CIMAP3: variants seen among roughly 807,000 people sequenced by gnomAD.
CIMAP3 encodes the protein ciliary microtubule associated protein 3.
At chr1:111,336,775 A>G in the CIMAP3 span, among the ~76,000 whole-genome samples, 5 of 152,250 alleles carry the variant, frequency 3.3e-5, no homozygotes, top group Non-Finnish European at 5.9e-5. Flanking sequence ...AACACTCTGC[A>G]GGATATTATC....
At chr1:111,330,038 A>G in the CIMAP3 span, among the ~76,000 whole-genome samples, 1 of 124,700 alleles carries the variant, frequency 8.0e-6, no homozygotes, top group Non-Finnish European at 1.7e-5. Context: ...TGTCAGATCC[A>G]TTAGGTTCTT....
the CIMAP3 span, among the ~76,000 whole-genome samples, chr1:111,350,511 G>A: frequency 6.6e-6 from 1 of 152,128 alleles, no homozygotes; most frequent in Admixed American, 6.5e-5. Flanking sequence ...CACAATAGAG[G>A]CCCAGATGGA....
chr1:111,351,749 T>G, the CIMAP3 span: 1 of 154,556 alleles, frequency 6.5e-6, no homozygotes, highest in South Asian at 2.0e-4. Context: ...TAAGGCAGAT[T>G]AAAACATGTA....
the CIMAP3 span, chr1:111,347,783 G>A: frequency 6.3e-7 from 1 of 1,586,978 alleles, no homozygotes. Context: ...GTAATGTGCT[G>A]GGATTTTAGT....
the CIMAP3 span, among the ~76,000 whole-genome samples, chr1:111,328,990 C>T: frequency 6.6e-6 from 1 of 152,242 alleles, no homozygotes; most frequent in South Asian, 2.1e-4. Context: ...TAGTAGTGGT[C>T]TTTCTTTTCT....
the CIMAP3 span, among the ~76,000 whole-genome samples, chr1:111,329,516 CATATATATATATATATATAT>C: frequency 1.8e-4 from 19 of 106,284 alleles, no homozygotes; most frequent in East Asian, 6.3e-4. Context: ...CACATAAACC[CATATATATATATATATATAT>C]ATATATATAT....
chr1:111,332,691 A>T, the CIMAP3 span, among the ~76,000 whole-genome samples: 1 of 152,196 alleles, frequency 6.6e-6, no homozygotes, highest in Non-Finnish European at 1.5e-5. Flanking sequence ...AGGGCTGCTC[A>T]GCTGGTCTGG....
At chr1:111,352,657 TTGAGA>T in the CIMAP3 span, 2 of 152,268 alleles carry the variant, frequency 1.3e-5, no homozygotes, top group African/African-American at 2.4e-5. Flanking sequence ...TATTTATGAC[TTGAGA>T]TAAGTCAGGA....
At chr1:111,341,010 T>G in the CIMAP3 span, among the ~76,000 whole-genome samples, 1 of 150,960 alleles carries the variant, frequency 6.6e-6, no homozygotes, top group Non-Finnish European at 1.5e-5. Context: ...ATATACACCA[T>G]GGAATACTAT....
chr1:111,351,643 A>G, the CIMAP3 span: 1 of 216,698 alleles, frequency 4.6e-6, no homozygotes, highest in Non-Finnish European at 9.1e-6. Context: ...AGCCAATTTT[A>G]TATATTCTAC....
At chr1:111,345,678 TG>T in the CIMAP3 span, among the ~76,000 whole-genome samples, 1 of 152,210 alleles carries the variant, frequency 6.6e-6, no homozygotes, top group African/African-American at 2.4e-5. Flanking sequence ...GGTCATCACC[TG>T]TAAAGGGTCA....
At chr1:111,343,938 T>G in the CIMAP3 span, among the ~76,000 whole-genome samples, 4 of 152,234 alleles carry the variant, frequency 2.6e-5, no homozygotes, top group Non-Finnish European at 5.9e-5. Context: ...TTTCCTTGCT[T>G]TCTTTCGCTT....
At chr1:111,350,050 G>C in the CIMAP3 span, 1 of 1,411,332 alleles carries the variant, frequency 7.1e-7, no homozygotes, top group South Asian at 1.2e-5. Context: ...GGTACTGATG[G>C]AGTTTGTGTA....
At chr1:111,328,039 ATGT>A in the CIMAP3 span, among the ~76,000 whole-genome samples, 1 of 152,158 alleles carries the variant, frequency 6.6e-6, no homozygotes, top group African/African-American at 2.4e-5. Flanking sequence ...AGATTCTGGT[ATGT>A]TGTTATCTTT....
At chr1:111,347,150 G>T in the CIMAP3 span, 1 of 1,332,636 alleles carries the variant, frequency 7.5e-7, no homozygotes. Flanking sequence ...TGGGACTTGA[G>T]ATCTCCAGAG....
chr1:111,342,625 T>C, the CIMAP3 span, among the ~76,000 whole-genome samples: 1 of 152,356 alleles, frequency 6.6e-6, no homozygotes, highest in East Asian at 1.9e-4. Context: ...TAGGTAATCC[T>C]GCCTCCTCCC....
chr1:111,344,904 T>A, the CIMAP3 span, among the ~76,000 whole-genome samples: 4 of 152,212 alleles, frequency 2.6e-5, no homozygotes, highest in Non-Finnish European at 5.9e-5. Flanking sequence ...AGGTGTACCA[T>A]TTTTAATTTT....
the CIMAP3 span, chr1:111,324,753 T>G: frequency 1.0e-6 from 1 of 985,278 alleles, no homozygotes; most frequent in South Asian, 4.7e-5. Flanking sequence ...TTACTGGAAG[T>G]TCCCCTGAGG....
the CIMAP3 span, among the ~76,000 whole-genome samples, chr1:111,328,299 T>A: frequency 6.6e-6 from 1 of 152,220 alleles, no homozygotes; most frequent in African/African-American, 2.4e-5. Flanking sequence ...ATGTGCCAGG[T>A]GGCAATGAAA....
Sources: gnomAD v4.1 joint callset for allele counts (sites outside exome capture counted in the v4.1 genomes callset) on GRCh38, gnomAD v4.1.1 for gene constraint, MANE v1.5 for transcripts, NCBI Gene and HGNC (gene_info 2026-07-23, HGNC 2026-07-21) for gene names.